CHAT: variants seen among roughly 807,000 people sequenced by gnomAD.
CHAT encodes choline O-acetyltransferase, also known as acetyl CoA:choline O-acetyltransferase.
A neutral mutation model predicts 76.9 loss-of-function variants in CHAT; 61 were observed. The ratio of observed to expected loss-of-function variants is 0.79; its 90% CI spans 0.65 to 0.98. CHAT has a LOEUF of 0.98. Ranked by LOEUF, CHAT falls within the 50% of genes least tolerant of loss-of-function variation. The probability of loss-of-function intolerance (pLI) is 0.00; values close to 1 mark genes in which losing one functional copy is unlikely to be tolerated. For synonymous variants in CHAT, 407 were observed against 397.4 expected, an observed-to-expected ratio of 1.02 and a Z score of -0.29; for missense variants, 946 against 986.9, an observed-to-expected ratio of 0.96 and a Z score of 0.56.
At chr10:49,613,483 GATCGAGGCAGAGTCTTCCC>G (rs1838357323), upstream of CHAT, among the ~76,000 whole-genome samples, 1 of 152,192 alleles carries the variant, frequency 6.6e-6, no homozygotes, top group African/African-American at 2.4e-5. Flanking sequence ...GTAGTCTGAT[GATCGAGGCAGAGTCTTCCC>G]ATCATAGCGT....
chr10:49,611,617 G>A (rs752657173), upstream of CHAT: 16 of 1,611,320 alleles, frequency 9.9e-6, no homozygotes, highest in East Asian at 2.2e-5. Flanking sequence ...CTACATTGCC[G>A]TGGTGGCCGG....
chr10:49,622,287 C>T lies in CHAT; in HGVS notation c.752+137C>T, dbSNP rs185112369. 338 of 892,838 alleles carry T rather than the reference C, an allele frequency of 3.8e-4. 2 individuals are homozygous for T. In the East Asian group the frequency reaches 7.8e-3, roughly 21 times the overall value. 55.3% of individuals were successfully genotyped at this position (892,838 alleles called of 1,614,324 possible). On this transcript the variant is annotated intron_variant, in intron 5 of 14. Transcript: ENST00000337653. ...ACAGAGCAGATGTCCCTGCCCCAAC[C>T]CACTCCCCCACCATCAGGATGACCT...
Position 49,646,486 on chromosome 10 carries a change from G to C in CHAT, c.1112-19G>C. On this transcript the variant is annotated intron_variant, in intron 7 of 14. Transcript: ENST00000337653. ...CTGGAGCGGGACAGGTGCTAGGGCT[G>C]TGCCTGCCTCCCCTGCAGACTCCAC... 1 of 1,613,980 alleles carries C rather than the reference G, an allele frequency of 6.2e-7. No homozygotes were observed. The highest frequency in any genetic ancestry group is 8.5e-7 in the Non-Finnish European group (1 of 1,180,012).
rs1269826653 is a variant in CHAT at position 49,642,455 on chromosome 10, C to G, written c.1112-4050C>G. Among the ~76,000 whole-genome samples the G allele has an allele frequency of 7.9e-5, 12 of 152,390 alleles. No individual in the cohort carries two copies. The East Asian group carries it at 2.3e-3, about 29-fold the overall frequency. On this transcript the variant is annotated intron_variant, in intron 7 of 14. Transcript: ENST00000337653. ...TTGGGCAGCGCTGGGCTCCTGGGCC[C>G]TGCAGAGCCTGCACATGATGGCAAG...
chr10:49,636,109 A>G (rs1327262665), intron 7 of CHAT, among the ~76,000 whole-genome samples: 1 of 152,078 alleles, frequency 6.6e-6, no homozygotes, highest in East Asian at 1.9e-4. Flanking sequence ...AAACTCAATT[A>G]TAGTCTTTCG....
chr10:49,665,068 T>G lies in CHAT; in HGVS notation c.*22T>G. 6.2e-7 allele frequency: 1 copy of G among 1,612,594 alleles called. No homozygotes were observed. The highest frequency in any genetic ancestry group is 2.2e-5 in the East Asian group (1 of 44,872). On this transcript the variant is annotated 3_prime_UTR_variant, in exon 15 of 15. Transcript: ENST00000337653. ...TTGACTCCTGCCACTAGGTTTCACC[T>G]CCCAAACCCAGCCTCTAGAACAGCC...
rs143223963 is a variant in CHAT at position 49,620,289 on chromosome 10, T to G, written c.580-206T>G. ...AGCACCAAGCCACCAGGATGGGGAC[T>G]GGGACAGAAGAAAGGAGACAGGAGG... On this transcript the variant is annotated intron_variant, in intron 3 of 14. Transcript: ENST00000337653. 9.1e-4 allele frequency among the ~76,000 whole-genome samples: 138 copies of G among 152,016 alleles called. 1 individual carries two copies. The highest frequency in any genetic ancestry group is 1.5e-3 in the Non-Finnish European group (102 of 67,946).
chr10:49,664,541 C>T (rs1007077775), intron 14 of CHAT, among the ~76,000 whole-genome samples: 1 of 152,208 alleles, frequency 6.6e-6, no homozygotes, highest in African/African-American at 2.4e-5. Flanking sequence ...CTTCCAACTC[C>T]ACAAGTAGAG....
intron 4 of CHAT, 63 bp from the exon 5 acceptor site, chr10:49,622,030 AAGGG>A (rs891493193): frequency 5.3e-5 from 82 of 1,544,750 alleles, no homozygotes; most frequent in Middle Eastern, 1.7e-4. Context: ...GGGGAGGCAG[AAGGG>A]AGGGAGGGAG....
chr10:49,663,253 A>G (rs764906239), intron 14 of CHAT, among the ~76,000 whole-genome samples: 4 of 152,126 alleles, frequency 2.6e-5, no homozygotes, highest in Non-Finnish European at 5.9e-5. Flanking sequence ...AGGAAGAAGA[A>G]GGTTTCCCAT....
chr10:49,631,350 T>C (rs1250929943), intron 7 of CHAT, among the ~76,000 whole-genome samples: 1 of 152,232 alleles, frequency 6.6e-6, no homozygotes, highest in East Asian at 1.9e-4. Context: ...TGGTCTTGCC[T>C]CTGTGCGTAT....
At chr10:49,610,847 T>C, upstream of CHAT, 1 of 1,612,056 alleles carries the variant, frequency 6.2e-7, no homozygotes, top group Non-Finnish European at 8.5e-7. Flanking sequence ...CGCCTGGTGC[T>C]TGTTATCGTG....
At chr10:49,611,629 G>A (rs149097990), upstream of CHAT, 1 of 1,611,710 alleles carries the variant, frequency 6.2e-7, no homozygotes, top group Non-Finnish European at 8.5e-7. Context: ...GGTGGCCGGC[G>A]CGCTCACCAC....
chr10:49,616,122 G>T, intron 1 of CHAT: 1 of 1,590,938 alleles, frequency 6.3e-7, no homozygotes. Context: ...AAGCTAGTGG[G>T]AAAGAGAGAG....
upstream of CHAT, chr10:49,610,435 C>T (rs1475651313): frequency 6.0e-6 from 2 of 334,174 alleles, no homozygotes; most frequent in Admixed American, 4.9e-5. Flanking sequence ...CTGCTCTGGG[C>T]GCGCCCCGGG....
At chr10:49,618,506 G>A (rs1838581165) in intron 2 of CHAT, among the ~76,000 whole-genome samples, 1 of 152,214 alleles carries the variant, frequency 6.6e-6, no homozygotes, top group Admixed American at 6.5e-5. Flanking sequence ...GGAAAAGGGA[G>A]TGAAAGGGAA....
intron 1 of CHAT, chr10:49,615,920 G>T (rs766282922): frequency 3.0e-6 from 3 of 984,092 alleles, no homozygotes; most frequent in Admixed American, 2.0e-5. Context: ...CCCTGCCCTG[G>T]CCACAGGCCA....
At chr10:49,611,691 G>T (rs1242764050), upstream of CHAT, 4 of 1,609,836 alleles carry the variant, frequency 2.5e-6, no homozygotes, top group South Asian at 4.4e-5. Context: ...CGTGGATGAA[G>T]CATACGATGG....
At chr10:49,633,553 C>T (rs988555125) in intron 7 of CHAT, among the ~76,000 whole-genome samples, 4 of 152,200 alleles carry the variant, frequency 2.6e-5, no homozygotes, top group African/African-American at 9.7e-5. Flanking sequence ...TGAAGACAGG[C>T]TTGGGGCCTC....
Sources: gnomAD v4.1 joint callset for allele counts (sites outside exome capture counted in the v4.1 genomes callset) on GRCh38, gnomAD v4.1.1 for gene constraint, MANE v1.5 for transcripts, NCBI Gene and HGNC (gene_info 2026-07-23, HGNC 2026-07-21) for gene names.